ARMH3: variants seen among roughly 807,000 people sequenced by gnomAD.
ARMH3 encodes armadillo-like helical domain-containing protein 3.
Under a neutral mutation model 99.1 loss-of-function variants are expected in ARMH3, and 60 were observed. That is an observed-to-expected ratio of 0.61 (90% CI 0.49 to 0.75). ARMH3 has a LOEUF of 0.75. Ranked by LOEUF, ARMH3 falls within the 30% of genes least tolerant of loss-of-function variation. ARMH3 has a pLI of 0.00. For missense variants in ARMH3, 679 were observed against 843.1 expected, an observed-to-expected ratio of 0.81 and a Z score of 2.41; for synonymous variants, 285 against 292.8, an observed-to-expected ratio of 0.97 and a Z score of 0.27.
intron 15 of ARMH3, among the ~76,000 whole-genome samples, chr10:102,001,292 A>T (rs2066356435): frequency 6.6e-6 from 1 of 152,172 alleles, no homozygotes; most frequent in South Asian, 2.1e-4. Context: ...AGGGGAAAAA[A>T]AACAAAACTA....
intron 23 of ARMH3, among the ~76,000 whole-genome samples, chr10:101,939,191 A>G (rs1170203357): frequency 6.6e-6 from 1 of 152,210 alleles, no homozygotes; most frequent in Non-Finnish European, 1.5e-5. Context: ...GAACAGTGTA[A>G]TAACTGTTGA....
chr10:101,925,045 C>G (rs1319233361), intron 23 of ARMH3, among the ~76,000 whole-genome samples: 2 of 152,006 alleles, frequency 1.3e-5, no homozygotes, highest in African/African-American at 4.8e-5. Flanking sequence ...AAAGCAGCAC[C>G]ACACAAACCA....
intron 20 of ARMH3, among the ~76,000 whole-genome samples, chr10:101,959,472 A>G (rs1845183942): frequency 6.6e-6 from 1 of 152,230 alleles, no homozygotes. Context: ...GAGACAAAGC[A>G]GCTTTTGCAC....
chr10:101,938,072 T>C (rs1462882025), intron 23 of ARMH3, among the ~76,000 whole-genome samples: 2 of 152,050 alleles, frequency 1.3e-5, no homozygotes, highest in Non-Finnish European at 2.9e-5. Context: ...TCTCACTATG[T>C]TGGCCAGGCT....
intron 17 of ARMH3, among the ~76,000 whole-genome samples, chr10:101,992,490 C>T (rs1289176713): frequency 6.8e-6 from 1 of 147,932 alleles, no homozygotes; most frequent in Non-Finnish European, 1.5e-5. Context: ...ATCTAAACCT[C>T]AATGTAATTT....
rs572565202 is a variant in ARMH3, at chr10:102,044,547, T to C, written c.-11-4422A>G. ...CACCACACCCAGCTAATTTTTTGTA[T>C]TTTTTATAGAAACAGGATTTTGCCA... On this transcript the variant is annotated intron_variant, in intron 1 of 25. Coordinates refer to ENST00000370033, the MANE Select transcript of ARMH3 (RefSeq NM_024541.3). Among the ~76,000 whole-genome samples the C allele has an allele frequency of 6.6e-5, 10 of 152,102 alleles. No homozygotes were observed. In the East Asian group the frequency reaches 1.9e-3, roughly 29 times the overall value.
At position 101,970,371 on chromosome 10, in the gene ARMH3, C is replaced by G. The variant is rs568521286; in HGVS notation, c.1495+4841G>C. Among the ~76,000 whole-genome samples the G allele has an allele frequency of 1.7e-3, 261 of 152,312 alleles. 1 individual carries two copies. The highest frequency in any genetic ancestry group is 6.0e-3 in the African/African-American group (250 of 41,554). On this transcript the variant is annotated intron_variant, in intron 20 of 25. Transcript: ENST00000370033. Reference sequence around the variant, plus strand: ...GGTGATGATGTCAGCTCAACAGAAACATTAACAACATCCTACTGGGTTCTA... The same window carrying G: ...GGTGATGATGTCAGCTCAACAGAAAGATTAACAACATCCTACTGGGTTCTA...
intron 23 of ARMH3, among the ~76,000 whole-genome samples, chr10:101,919,271 TC>T (rs1335784731): frequency 6.6e-6 from 1 of 152,124 alleles, no homozygotes; most frequent in Non-Finnish European, 1.5e-5. Context: ...TGACCCATTT[TC>T]CTTGAGCCCC....
At chr10:101,930,224 T>C (rs1479046678) in intron 23 of ARMH3, among the ~76,000 whole-genome samples, 1 of 151,944 alleles carries the variant, frequency 6.6e-6, no homozygotes, top group African/African-American at 2.4e-5. Context: ...CACAAAATCA[T>C]CTCAATAGAA....
At chr10:102,029,416 T>C (rs778398365) in intron 5 of ARMH3, 77 of 1,519,420 alleles carry the variant, frequency 5.1e-5, no homozygotes, top group Non-Finnish European at 6.6e-5. Flanking sequence ...ATTCTGTCTT[T>C]ATCCCGCAGG....
At chr10:101,887,022 T>C (rs1370083542) in intron 24 of ARMH3, among the ~76,000 whole-genome samples, 1 of 152,202 alleles carries the variant, frequency 6.6e-6, no homozygotes, top group East Asian at 1.9e-4. Context: ...ATGAATACTG[T>C]TAACATTAAG....
At chr10:102,040,234 G>C (rs938172350) in intron 1 of ARMH3, 109 bp from the exon 2 acceptor site, 11 of 876,828 alleles carry the variant, frequency 1.3e-5, no homozygotes, top group South Asian at 2.9e-5. Flanking sequence ...ACAACACCAA[G>C]AGTGAATCCT....
rs1189076360 is a variant in ARMH3 at position 102,023,526 on chromosome 10, T to A, written c.620A>T (p.Tyr207Phe). The change falls in exon 8 of 26, where the codon TAT (tyrosine) becomes TTT (phenylalanine). Residue 207 changes from tyrosine to phenylalanine, a missense_variant. By Grantham distance (22) the Tyr-to-Phe change is conservative (BLOSUM62 3). This residue lies in a region of ARMH3 where 280 missense variants were observed against 354.6 expected (regional missense o/e 0.79). Transcript: ENST00000370033. ...SHPPSRREHG[Y>F]DAVVLLALLV... ...CAAAGCCAAGAGGACGACAGCATCATACCCATGCTCCCTACGACTTGGGGG... is the reference window on the plus strand; with the variant it reads ...CAAAGCCAAGAGGACGACAGCATCAAACCCATGCTCCCTACGACTTGGGGG... 1.9e-6 allele frequency: 3 copies of A among 1,614,032 alleles called. No individual in the cohort carries two copies. Among genetic ancestry groups the A allele is most frequent in the Non-Finnish European group, 2.5e-6 (3 of 1,180,028 alleles).
chr10:102,031,364 A>G (rs768814357), intron 4 of ARMH3, among the ~76,000 whole-genome samples: 5 of 152,232 alleles, frequency 3.3e-5, no homozygotes, highest in Non-Finnish European at 7.3e-5. Context: ...CAGTAAGTAT[A>G]AGCTATTATA....
At chr10:101,944,791 G>A (rs749352232) in intron 22 of ARMH3, among the ~76,000 whole-genome samples, 12 of 151,940 alleles carry the variant, frequency 7.9e-5, no homozygotes, top group Non-Finnish European at 1.2e-4. Flanking sequence ...TCCAGTCTGG[G>A]GGACAGAGTG....
chr10:101,863,599 A>T (rs1018151367), intron 24 of ARMH3, among the ~76,000 whole-genome samples: 1 of 152,256 alleles, frequency 6.6e-6, no homozygotes, highest in Middle Eastern at 3.4e-3. Flanking sequence ...GAACAATTTG[A>T]AAAATCTCGC....
chr10:102,026,190 G>A (rs752615364), intron 5 of ARMH3, among the ~76,000 whole-genome samples: 1 of 152,032 alleles, frequency 6.6e-6, no homozygotes, highest in Non-Finnish European at 1.5e-5. Flanking sequence ...AAGATGAAAA[G>A]AAATATTCTA....
In ARMH3 at chr10:102,005,182, G is replaced by A. The variant is rs544900108; in HGVS notation, c.1048+1358C>T. On this transcript the variant is annotated intron_variant, in intron 14 of 25. Transcript: ENST00000370033. ...CCTGCACTCCAGCCTAGGCAACAGTGCGAGACTCCGTCTCAAAAACAAATA... is the reference window on the plus strand; with the variant it reads ...CCTGCACTCCAGCCTAGGCAACAGTACGAGACTCCGTCTCAAAAACAAATA... Among the ~76,000 whole-genome samples the A allele has an allele frequency of 9.9e-5, 15 of 152,136 alleles. No individual in the cohort carries two copies. In the East Asian group the frequency reaches 2.3e-3, roughly 24 times the overall value.
chr10:102,012,784 A>T, intron 10 of ARMH3, 49 bp downstream of exon 10: 1 of 1,541,584 alleles, frequency 6.5e-7, no homozygotes, highest in Admixed American at 1.7e-5. Flanking sequence ...TCTAACAACC[A>T]ATTCAAATGA....
Sources: allele counts gnomAD v4.1 joint callset (sites outside exome capture counted in the v4.1 genomes callset), GRCh38; gene constraint gnomAD v4.1.1; regional missense constraint gnomAD v4.1.1; transcripts MANE v1.5; gene names NCBI Gene and HGNC (gene_info 2026-07-23, HGNC 2026-07-21).